GRID2: variants seen among roughly 807,000 people sequenced by gnomAD.
The protein encoded by GRID2 is glutamate ionotropic receptor delta type subunit 2.
In GRID2, 33 loss-of-function variants were observed where a neutral mutation model predicts 114.8. The ratio of observed to expected loss-of-function variants is 0.29; its 90% confidence interval spans 0.22 to 0.38. The LOEUF is 0.38. GRID2 is among the 10% of genes least tolerant of loss of function. The pLI is 1.00. For missense variants in GRID2, 1,184 were observed against 1,257.7 expected (o/e 0.94, Z 0.89); for synonymous variants, 505 against 449.9 (o/e 1.12, Z -1.55).
intron 1 of GRID2, among the ~76,000 whole-genome samples, chr4:92,502,800 C>T (rs1457660964): frequency 6.8e-6 from 1 of 147,788 alleles, no homozygotes; most frequent in East Asian, 2.1e-4. Context: ...TCACTGCAAC[C>T]TCCGCCTCCT....
intron 1 of GRID2, among the ~76,000 whole-genome samples, chr4:92,587,030 T>C (rs13101814): frequency 0.18 from 27,585 of 151,510 alleles, 2,651 homozygotes; most frequent in Middle Eastern, 0.29. Flanking sequence ...CCTTTCCTGC[T>C]TTATTGATTG....
chr4:93,011,401 T>G (rs1722125996), intron 2 of GRID2, among the ~76,000 whole-genome samples: 1 of 151,908 alleles, frequency 6.6e-6, no homozygotes, highest in Non-Finnish European at 1.5e-5. Flanking sequence ...GATAAAAAAA[T>G]TCAGGCCATT....
At chr4:92,932,781 C>A (rs1750346393) in intron 2 of GRID2, among the ~76,000 whole-genome samples, 2 of 151,028 alleles carry the variant, frequency 1.3e-5, no homozygotes, top group African/African-American at 2.4e-5. Context: ...CTAAAAAAGT[C>A]TTTATTGAGC....
intron 2 of GRID2, among the ~76,000 whole-genome samples, chr4:92,683,298 CA>C (rs1390397496): frequency 1.3e-5 from 2 of 150,714 alleles, no homozygotes; most frequent in Non-Finnish European, 3.0e-5. Context: ...GACTCCATAT[CA>C]GAAAAAAAAA....
chr4:92,835,093 A>T (rs1450638758), intron 2 of GRID2, among the ~76,000 whole-genome samples: 1 of 152,076 alleles, frequency 6.6e-6, no homozygotes, highest in Non-Finnish European at 1.5e-5. Context: ...CAAAATTTTA[A>T]TATGATATGG....
chr4:92,854,452 G>T (rs1744039786), intron 2 of GRID2, among the ~76,000 whole-genome samples: 1 of 151,926 alleles, frequency 6.6e-6, no homozygotes, highest in Non-Finnish European at 1.5e-5. Flanking sequence ...AACATAGAGT[G>T]ATATTCTTAT....
At chr4:92,369,750 C>T (rs1560590782) in intron 1 of GRID2, among the ~76,000 whole-genome samples, 1 of 152,070 alleles carries the variant, frequency 6.6e-6, no homozygotes, top group Non-Finnish European at 1.5e-5. Context: ...AGAATTGAGG[C>T]ACTTTGGGGA....
At chr4:92,669,440 A>T (rs1235629776) in intron 2 of GRID2, among the ~76,000 whole-genome samples, 1 of 152,004 alleles carries the variant, frequency 6.6e-6, no homozygotes, top group Non-Finnish European at 1.5e-5. Context: ...GAGTAACTGC[A>T]GGCAGAAGAT....
chr4:93,213,053 G>A (rs754614372), intron 5 of GRID2, among the ~76,000 whole-genome samples: 49 of 152,228 alleles, frequency 3.2e-4, no homozygotes, highest in African/African-American at 7.5e-4. Flanking sequence ...GTTTACAGGC[G>A]TGAGCCACCG....
chr4:92,394,202 T>C (rs1177124281), intron 1 of GRID2, among the ~76,000 whole-genome samples: 1 of 152,176 alleles, frequency 6.6e-6, no homozygotes, highest in African/African-American at 2.4e-5. Flanking sequence ...GTAATATCAA[T>C]AATCATCTGC....
chr4:92,438,086 CTATT>C (rs1047216199), intron 1 of GRID2, among the ~76,000 whole-genome samples: 117 of 152,260 alleles, frequency 7.7e-4, no homozygotes, highest in African/African-American at 2.7e-3. Flanking sequence ...TTTCCTAAGA[CTATT>C]TATGACTTTC....
chr4:93,675,820 T>C (rs1182455270), intron 14 of GRID2, among the ~76,000 whole-genome samples: 1 of 152,226 alleles, frequency 6.6e-6, no homozygotes, highest in Non-Finnish European at 1.5e-5. Context: ...TTTTTCAAGG[T>C]TAAATTGCAA....
At chr4:93,623,163 T>C (rs1742368613) in intron 13 of GRID2, among the ~76,000 whole-genome samples, 1 of 152,112 alleles carries the variant, frequency 6.6e-6, no homozygotes. Flanking sequence ...CTTTTTTTTA[T>C]TATTATTATA....
intron 2 of GRID2, among the ~76,000 whole-genome samples, chr4:92,654,910 C>G (rs1041438489): frequency 2.0e-5 from 3 of 151,792 alleles, no homozygotes; most frequent in African/African-American, 4.8e-5. Flanking sequence ...TTGAATATGT[C>G]TCATTAAAAT....
intron 2 of GRID2, among the ~76,000 whole-genome samples, chr4:92,600,054 A>G (rs1324487571): frequency 0.011 from 1,290 of 112,914 alleles, 14 homozygotes; most frequent in African/African-American, 0.04. Flanking sequence ...GTATATATAT[A>G]TATATATATA....
intron 3 of GRID2, among the ~76,000 whole-genome samples, chr4:93,104,418 T>G (rs971291810): frequency 2.2e-4 from 34 of 152,100 alleles, no homozygotes; most frequent in African/African-American, 7.2e-4. Context: ...TAACTCGTCA[T>G]TTAGCATTAG....
chr4:93,562,373 C>T (rs1297710670), intron 13 of GRID2, among the ~76,000 whole-genome samples: 1 of 151,846 alleles, frequency 6.6e-6, no homozygotes, highest in Non-Finnish European at 1.5e-5. Flanking sequence ...GTCTTTGGCC[C>T]ATTTTTTTAA....
At chr4:93,696,806 T>G (rs923195316) in intron 14 of GRID2, among the ~76,000 whole-genome samples, 2 of 152,118 alleles carry the variant, frequency 1.3e-5, no homozygotes, top group Non-Finnish European at 2.9e-5. Flanking sequence ...CACTCCCTCC[T>G]CTATAATCCC....
intron 2 of GRID2, among the ~76,000 whole-genome samples, chr4:92,747,606 C>CT (rs1256676696): frequency 6.6e-6 from 1 of 152,024 alleles, no homozygotes; most frequent in Admixed American, 6.6e-5. Flanking sequence ...ACTATCTTTA[C>CT]TTTTTCAATT....
Sources: gnomAD v4.1 joint callset for allele counts (sites outside exome capture counted in the v4.1 genomes callset) on GRCh38, gnomAD v4.1.1 for gene constraint, MANE v1.5 for transcripts, NCBI Gene and HGNC (gene_info 2026-07-23, HGNC 2026-07-21) for gene names.